CNTN6: variants seen among roughly 807,000 people sequenced by gnomAD.
CNTN6 encodes contactin 6, also known as contactin-6.
CNTN6 carries 137 observed loss-of-function variants against 122.8 expected under a neutral mutation model. The ratio of observed to expected loss-of-function variants is 1.12; its 90% CI spans 0.97 to 1.29. The LOEUF is 1.29. Ranked by LOEUF, CNTN6 falls within the 50% of genes most tolerant of loss-of-function variation. CNTN6 has a pLI of 0.00. For synonymous variants in CNTN6, 570 were observed against 426.0 expected (o/e 1.34, Z -4.16); for missense variants, 1,634 against 1,223.4 (o/e 1.34, Z -5.01).
chr3:1,382,877 A>G, intron 17 of CNTN6, 65 bp from the exon 18 acceptor site: 2 of 1,050,372 alleles, frequency 1.9e-6, no homozygotes, highest in Admixed American at 4.0e-5. Flanking sequence ...ATAATCAATA[A>G]ACATTATAGT....
chr3:1,195,099 G>A (rs2093757450), intron 2 of CNTN6, among the ~76,000 whole-genome samples: 1 of 151,996 alleles, frequency 6.6e-6, no homozygotes, highest in Non-Finnish European at 1.5e-5. Flanking sequence ...TTATTCCGGG[G>A]CCAGGTTCCA....
chr3:1,320,345 G>A (rs1008745917), intron 7 of CNTN6, among the ~76,000 whole-genome samples: 1 of 151,614 alleles, frequency 6.6e-6, no homozygotes, highest in Non-Finnish European at 1.5e-5. Context: ...GATGTACATA[G>A]GAGGATAATA....
At chr3:1,286,017 C>T (rs917397859) in intron 5 of CNTN6, among the ~76,000 whole-genome samples, 1 of 152,084 alleles carries the variant, frequency 6.6e-6, no homozygotes, top group African/African-American at 2.4e-5. Flanking sequence ...CTGCACATTC[C>T]TTCCCTCCAC....
chr3:1,170,474 A>G (rs1037155258), intron 2 of CNTN6, among the ~76,000 whole-genome samples: 2 of 152,130 alleles, frequency 1.3e-5, no homozygotes, highest in African/African-American at 4.8e-5. Flanking sequence ...CTATTTGGGG[A>G]TAAAACACCC....
chr3:1,358,833 G>A (rs1029291507), intron 12 of CNTN6, among the ~76,000 whole-genome samples: 1 of 151,984 alleles, frequency 6.6e-6, no homozygotes, highest in African/African-American at 2.4e-5. Flanking sequence ...CACTTTGAAA[G>A]GCTGAGGTGG....
chr3:1,139,123 A>G (rs1171219979), intron 1 of CNTN6, among the ~76,000 whole-genome samples: 6 of 152,110 alleles, frequency 3.9e-5, no homozygotes, highest in Non-Finnish European at 7.4e-5. Context: ...TGCCACTTCC[A>G]TTTGTTTATG....
intron 1 of CNTN6, among the ~76,000 whole-genome samples, chr3:1,098,024 A>G (rs1292567622): frequency 6.6e-6 from 1 of 151,776 alleles, no homozygotes; most frequent in Non-Finnish European, 1.5e-5. Context: ...ATCCAACTAG[A>G]TTAAAAATAG....
At chr3:1,349,967 A>C (rs755782771) in intron 11 of CNTN6, among the ~76,000 whole-genome samples, 4 of 151,830 alleles carry the variant, frequency 2.6e-5, no homozygotes, top group Non-Finnish European at 5.9e-5. Flanking sequence ...TTTAAAGTTT[A>C]TTTTAATAAA....
At chr3:1,392,240 G>GAAAT (rs1178377940) in intron 20 of CNTN6, among the ~76,000 whole-genome samples, 3 of 152,250 alleles carry the variant, frequency 2.0e-5, no homozygotes, top group Non-Finnish European at 4.4e-5. Flanking sequence ...AGAGCCCTCA[G>GAAAT]AAATAACGCC....
intron 22 of CNTN6, 141 bp from the exon 23 acceptor site, chr3:1,403,177 A>C: frequency 1.8e-6 from 1 of 558,438 alleles, no homozygotes; most frequent in Admixed American, 3.3e-5. Flanking sequence ...TTCTAAAATT[A>C]AATATAATGT....
intron 4 of CNTN6, among the ~76,000 whole-genome samples, chr3:1,259,627 G>C (rs11923187): frequency 0.13 from 20,436 of 152,056 alleles, 1,606 homozygotes; most frequent in African/African-American, 0.22. Flanking sequence ...AGACAGGGAT[G>C]TGAACTTACA....
At chr3:1,170,613 G>A (rs2093343153) in intron 2 of CNTN6, among the ~76,000 whole-genome samples, 1 of 152,064 alleles carries the variant, frequency 6.6e-6, no homozygotes, top group Non-Finnish European at 1.5e-5. Flanking sequence ...TTTTTGTATT[G>A]TTTGTATTAC....
intron 12 of CNTN6, among the ~76,000 whole-genome samples, chr3:1,353,747 G>T (rs936959043): frequency 3.3e-5 from 5 of 151,566 alleles, no homozygotes; most frequent in Admixed American, 2.0e-4. Flanking sequence ...AATTAAGAAG[G>T]TGTAGGTAGT....
chr3:1,286,325 C>A (rs546794365), intron 5 of CNTN6, among the ~76,000 whole-genome samples: 122 of 152,258 alleles, frequency 8.0e-4, no homozygotes, highest in African/African-American at 2.9e-3. Flanking sequence ...TTAGGTTTTT[C>A]TCCTAATGCT....
chr3:1,372,613 T>G, intron 13 of CNTN6, 139 bp downstream of exon 13: 1 of 797,610 alleles, frequency 1.3e-6, no homozygotes, highest in Non-Finnish European at 1.9e-6. Context: ...TTGTTTTTGT[T>G]TTGGTTTATT....
intron 12 of CNTN6, among the ~76,000 whole-genome samples, chr3:1,364,335 A>T (rs556071158): frequency 6.6e-6 from 1 of 152,050 alleles, no homozygotes; most frequent in South Asian, 2.1e-4. Context: ...AACATTTTCT[A>T]TAATGTCATA....
chr3:1,238,461 G>C (rs746031608), intron 4 of CNTN6, among the ~76,000 whole-genome samples: 5 of 152,114 alleles, frequency 3.3e-5, no homozygotes, highest in Admixed American at 6.5e-5. Context: ...CTATACCTAA[G>C]AAATGAGATA....
At chr3:1,322,032 C>G (rs1700934419) in intron 8 of CNTN6, among the ~76,000 whole-genome samples, 198 bp downstream of exon 8, 1 of 151,602 alleles carries the variant, frequency 6.6e-6, no homozygotes, top group Non-Finnish European at 1.5e-5. Flanking sequence ...TTAGCATGGT[C>G]TATGAATGCT....
intron 20 of CNTN6, among the ~76,000 whole-genome samples, chr3:1,390,882 AAT>A (rs1204771254): frequency 6.6e-6 from 1 of 150,958 alleles, no homozygotes; most frequent in Admixed American, 6.6e-5. Flanking sequence ...TGAATAGACC[AAT>A]AACAGGAGCT....
Sources: allele counts gnomAD v4.1 joint callset (sites outside exome capture counted in the v4.1 genomes callset), GRCh38; gene constraint gnomAD v4.1.1; transcripts MANE v1.5; gene names NCBI Gene and HGNC (gene_info 2026-07-23, HGNC 2026-07-21).